The following BNC2 variants were observed in gnomAD, a reference collection of about 807,000 sequenced individuals.
BNC2 encodes basonuclin zinc finger protein 2.
In BNC2, 20 loss-of-function variants were observed where a neutral mutation model predicts 76.3. The observed-to-expected ratio is 0.26, with a 90% CI of 0.18 to 0.38. BNC2 has a LOEUF of 0.38. Among genes scored for constraint, BNC2 ranks in the 10% least tolerant of loss-of-function variants. The pLI, the probability that BNC2 is intolerant of heterozygous loss-of-function variation, is 1.00. For synonymous variants in BNC2, 582 were observed against 514.8 expected, an observed-to-expected ratio of 1.13 and a Z score of -1.77; for missense variants, 1,382 against 1,399.8, an observed-to-expected ratio of 0.99 and a Z score of 0.20.
chr9:16,772,517 CT>C (rs1404115143), intron 1 of BNC2, among the ~76,000 whole-genome samples: 1 of 151,964 alleles, frequency 6.6e-6, no homozygotes, highest in Non-Finnish European at 1.5e-5. Context: ...AGATGAAAAC[CT>C]TTTGCATTTT....
intron 5 of BNC2, among the ~76,000 whole-genome samples, chr9:16,470,560 G>A (rs1437081727): frequency 6.6e-6 from 1 of 152,178 alleles, no homozygotes; most frequent in Non-Finnish European, 1.5e-5. Flanking sequence ...CTGAGCCCAG[G>A]GTCCCCATGC....
At position 16,419,453 on chromosome 9, in the gene BNC2, G is replaced by C. The variant is rs1490852363; in HGVS notation, c.2836C>G (p.Leu946Val). The change falls in exon 7 of 7, where the codon CTG becomes GTG. Residue 946 changes from leucine to valine, a missense_variant. Around this residue, in one of 3 missense-constraint regions of BNC2, gnomAD observed 798 missense variants for 775.5 expected, o/e 1.03. Coordinates refer to ENST00000380672, the MANE Select transcript of BNC2 (RefSeq NM_017637.6). ...GCCATGCCTCTCCCATACCCGTTCA[G>C]GTGGGAGTCTTCAGTCCCTGCGGGA... The part of the protein sequence containing the change: ...SSPAGTEDSH[L>V]NGYGRGMAED... The C allele has an allele frequency of 3.7e-6, 6 of 1,613,366 alleles. No individual in the cohort carries two copies. Among genetic ancestry groups the C allele is most frequent in the Admixed American group, 3.3e-5 (2 of 59,980 alleles).
chr9:16,604,425 TAGAA>T (rs924643168), intron 3 of BNC2, among the ~76,000 whole-genome samples: 5 of 152,218 alleles, frequency 3.3e-5, no homozygotes, highest in African/African-American at 9.7e-5. Context: ...CCTTTTCAAT[TAGAA>T]AGATCTTGAG....
intron 5 of BNC2, among the ~76,000 whole-genome samples, chr9:16,526,750 AAATT>A (rs939479568): frequency 6.6e-6 from 1 of 152,212 alleles, no homozygotes; most frequent in African/African-American, 2.4e-5. Context: ...CATAAAAAAT[AAATT>A]CTCATTCTCT....
chr9:16,831,090 T>G (rs1254785348), intron 1 of BNC2, among the ~76,000 whole-genome samples: 1 of 152,202 alleles, frequency 6.6e-6, no homozygotes, highest in East Asian at 1.9e-4. Context: ...AAACAATCAG[T>G]GTCAAGGTCC....
At chr9:16,442,638 G>C (rs1009976393) in intron 5 of BNC2, among the ~76,000 whole-genome samples, 3 of 152,166 alleles carry the variant, frequency 2.0e-5, no homozygotes, top group Non-Finnish European at 4.4e-5. Context: ...TCAGACTGTC[G>C]AGGGACCTCA....
chr9:16,572,393 CT>C (rs1360016507), intron 4 of BNC2, among the ~76,000 whole-genome samples: 1 of 152,112 alleles, frequency 6.6e-6, no homozygotes, highest in African/African-American at 2.4e-5. Context: ...GTGCTTATAC[CT>C]TAAAATGGGA....
chr9:16,514,082 A>G (rs1353173968), intron 5 of BNC2, among the ~76,000 whole-genome samples: 1 of 152,168 alleles, frequency 6.6e-6, no homozygotes, highest in African/African-American at 2.4e-5. Context: ...AGGATGTCAC[A>G]GTTTTCCAGT....
intron 1 of BNC2, among the ~76,000 whole-genome samples, chr9:16,844,480 A>C (rs1249005825): frequency 6.8e-6 from 1 of 146,088 alleles, no homozygotes; most frequent in Non-Finnish European, 1.5e-5. Context: ...ATTTTTACGA[A>C]TATTTTTCTT....
chr9:16,707,091 A>T (rs1046914242), intron 3 of BNC2, among the ~76,000 whole-genome samples: 2 of 152,094 alleles, frequency 1.3e-5, no homozygotes, highest in Non-Finnish European at 1.5e-5. Context: ...AGTCCCAGCT[A>T]ATCGGGAGGC....
At chr9:16,558,398 A>T (rs772463264) in intron 4 of BNC2, among the ~76,000 whole-genome samples, 1 of 152,214 alleles carries the variant, frequency 6.6e-6, no homozygotes, top group African/African-American at 2.4e-5. Context: ...AATCTGACAA[A>T]TATCTAGTAC....
chr9:16,671,436 A>C (rs1563891066), intron 3 of BNC2, among the ~76,000 whole-genome samples: 2 of 152,338 alleles, frequency 1.3e-5, no homozygotes, highest in South Asian at 4.1e-4. Flanking sequence ...CATCCAAAAG[A>C]ACAGGCAGCC....
At chr9:16,856,007 C>T (rs989925229) in intron 1 of BNC2, among the ~76,000 whole-genome samples, 3 of 152,152 alleles carry the variant, frequency 2.0e-5, no homozygotes, top group African/African-American at 7.2e-5. Context: ...TGCAATTTGA[C>T]AGTCATACTA....
intron 1 of BNC2, among the ~76,000 whole-genome samples, chr9:16,840,133 G>A (rs531725393): frequency 7.1e-6 from 1 of 141,464 alleles, no homozygotes; most frequent in African/African-American, 2.7e-5. Context: ...GATCAAACAG[G>A]CAGTCAGTGA....
chr9:16,757,586 C>G (rs1825422031), intron 1 of BNC2, among the ~76,000 whole-genome samples: 1 of 152,152 alleles, frequency 6.6e-6, no homozygotes, highest in African/African-American at 2.4e-5. Flanking sequence ...GCCCCTTTCT[C>G]AAAACTCCAT....
intron 3 of BNC2, among the ~76,000 whole-genome samples, chr9:16,695,343 C>A (rs1222543681): frequency 3.3e-5 from 5 of 152,004 alleles, no homozygotes; most frequent in Non-Finnish European, 7.4e-5. Context: ...GTCACCCAGA[C>A]TGGGATGCAG....
intron 5 of BNC2, among the ~76,000 whole-genome samples, chr9:16,476,743 T>TA (rs1010778227): frequency 3.2e-4 from 48 of 152,304 alleles, no homozygotes; most frequent in African/African-American, 1.0e-3. Flanking sequence ...AATGCTGAGT[T>TA]AATCTACTGT....
At chr9:16,821,817 G>A (rs1256058958) in intron 1 of BNC2, among the ~76,000 whole-genome samples, 1 of 148,664 alleles carries the variant, frequency 6.7e-6, no homozygotes, top group Non-Finnish European at 1.5e-5. Context: ...GGTGGGGCTG[G>A]GCACGGTGGG....
In BNC2 at chr9:16,764,440, G is replaced by C. The variant is rs192156233; in HGVS notation, c.4-25955C>G. Among the ~76,000 whole-genome samples the C allele has an allele frequency of 6.0e-3, 916 of 152,200 alleles. 12 individuals are homozygous for C. Among genetic ancestry groups the C allele is most frequent in the African/African-American group, 0.021 (875 of 41,514 alleles). ...GTGGAAACACAAACTCATTCATCTG[G>C]TAAGTAACCCAACCTAAAAATCTGT... On this transcript the variant is annotated intron_variant, in intron 1 of 6. Coordinates refer to ENST00000380672, the MANE Select transcript of BNC2 (RefSeq NM_017637.6).
Sources: gnomAD v4.1 joint callset for allele counts (sites outside exome capture counted in the v4.1 genomes callset) on GRCh38, gnomAD v4.1.1 for gene constraint, gnomAD v4.1.1 regional missense constraint, MANE v1.5 for transcripts, NCBI Gene and HGNC (gene_info 2026-07-23, HGNC 2026-07-21) for gene names.